Variants in PXDNL observed in about 807,000 individuals in gnomAD.
PXDNL encodes the protein peroxidasin like, also known as probable oxidoreductase PXDNL.
In PXDNL, 145 loss-of-function variants were observed where a neutral mutation model predicts 150.8. That is an observed-to-expected ratio of 0.96 (90% CI 0.84 to 1.10). PXDNL has a LOEUF of 1.10. PXDNL is among the 50% of genes least tolerant of loss of function. The probability of loss-of-function intolerance (pLI) is 0.00; values close to 1 mark genes in which losing one functional copy is unlikely to be tolerated. For missense variants in PXDNL, 2,087 were observed against 1,873.9 expected (o/e 1.11, Z -2.10); for synonymous variants, 757 against 725.7 (o/e 1.04, Z -0.69).
chr8:51,405,560 G>C (rs991248758), intron 17 of PXDNL, among the ~76,000 whole-genome samples: 1 of 152,168 alleles, frequency 6.6e-6, no homozygotes. Context: ...AGGAAAAGAA[G>C]TAATAAGATA....
At chr8:51,705,343 G>A (rs138066236) in intron 1 of PXDNL, among the ~76,000 whole-genome samples, 161 of 152,254 alleles carry the variant, frequency 1.1e-3, no homozygotes, top group African/African-American at 3.8e-3. Context: ...CTTGCTACAC[G>A]TCTTGTACTG....
chr8:51,526,045 T>C (rs73583004), intron 4 of PXDNL, among the ~76,000 whole-genome samples: 4,708 of 152,092 alleles, frequency 0.031, 222 homozygotes, highest in African/African-American at 0.11. Flanking sequence ...GCATGTATAG[T>C]TTTTTCCCCC....
At chr8:51,596,852 G>A (rs1201117671) in intron 2 of PXDNL, among the ~76,000 whole-genome samples, 24 of 152,060 alleles carry the variant, frequency 1.6e-4, no homozygotes, top group Non-Finnish European at 4.4e-5. Context: ...CCATTCTGTA[G>A]GTTGTCTGTT....
chr8:51,689,336 T>G lies in PXDNL; in HGVS notation c.165-34576A>C, dbSNP rs930309567. 6.5e-5 allele frequency among the ~76,000 whole-genome samples: 9 copies of G among 139,076 alleles called. No homozygotes were observed. The Admixed American group carries it at 6.6e-4, about 10-fold the overall frequency. The allele number at this position is 139,076 out of a possible 152,430, so 91.2% of individuals were successfully genotyped here. On this transcript the variant is annotated intron_variant, in intron 1 of 22. Coordinates refer to ENST00000356297, the MANE Select transcript of PXDNL (RefSeq NM_144651.5). ...AGACATCCAGATTTTTTTTTTTTTT[T>G]GCTTCATTTTGGGGATTAATATGTA...
chr8:51,440,340 G>T (rs1302143368), intron 12 of PXDNL, among the ~76,000 whole-genome samples: 1 of 151,866 alleles, frequency 6.6e-6, no homozygotes, highest in East Asian at 1.9e-4. Flanking sequence ...ACACTGCTTG[G>T]GTAATGGGTG....
intron 6 of PXDNL, among the ~76,000 whole-genome samples, chr8:51,480,810 T>G (rs576214289): frequency 6.6e-6 from 1 of 152,330 alleles, no homozygotes; most frequent in South Asian, 2.1e-4. Flanking sequence ...CCATGTAAGA[T>G]ATTCCTTTGC....
intron 12 of PXDNL, among the ~76,000 whole-genome samples, chr8:51,441,061 G>T (rs1314242824): frequency 6.6e-5 from 10 of 152,162 alleles, no homozygotes; most frequent in Admixed American, 6.5e-4. Flanking sequence ...TCAAGGGCTG[G>T]ACTGGGTGGA....
At chr8:51,729,495 C>T (rs1022859046) in intron 1 of PXDNL, among the ~76,000 whole-genome samples, 3 of 152,136 alleles carry the variant, frequency 2.0e-5, no homozygotes, top group Admixed American at 6.6e-5. Flanking sequence ...ACACTGACAA[C>T]ACTAAATACT....
intron 17 of PXDNL, among the ~76,000 whole-genome samples, chr8:51,377,476 G>A (rs1328844205): frequency 6.6e-6 from 1 of 152,192 alleles, no homozygotes; most frequent in Admixed American, 6.5e-5. Flanking sequence ...TGAGCTAAAC[G>A]AGGCCGGAGC....
chr8:51,760,844 A>ATTTTTTTT (rs1563312827), intron 1 of PXDNL, among the ~76,000 whole-genome samples: 1 of 48,036 alleles, frequency 2.1e-5, no homozygotes, highest in Non-Finnish European at 4.6e-5. Context: ...AATCACTTAA[A>ATTTTTTTT]CTTTTTTTTT....
intron 21 of PXDNL, among the ~76,000 whole-genome samples, chr8:51,331,948 A>G (rs1179902162): frequency 2.0e-5 from 3 of 151,968 alleles, no homozygotes; most frequent in Non-Finnish European, 4.4e-5. Flanking sequence ...TGGTAGTTCT[A>G]GGGCCCAGTC....
intron 3 of PXDNL, among the ~76,000 whole-genome samples, chr8:51,565,555 A>G (rs74963399): frequency 0.071 from 10,743 of 151,658 alleles, 979 homozygotes; most frequent in African/African-American, 0.22. Flanking sequence ...TTATGTGTGA[A>G]TAAGTATAAA....
At chr8:51,343,615 G>T (rs1003890903) in intron 20 of PXDNL, among the ~76,000 whole-genome samples, 2 of 152,142 alleles carry the variant, frequency 1.3e-5, no homozygotes, top group East Asian at 3.9e-4. Flanking sequence ...CAAGCAAAAT[G>T]AGTCTTTGAG....
intron 17 of PXDNL, among the ~76,000 whole-genome samples, chr8:51,382,039 T>C (rs1807565450): frequency 2.0e-5 from 3 of 152,112 alleles, no homozygotes; most frequent in Admixed American, 6.5e-5. Flanking sequence ...GGTTTCACCA[T>C]GTTAACCCAG....
At chr8:51,424,102 C>A (rs1003415714) in intron 13 of PXDNL, among the ~76,000 whole-genome samples, 4 of 152,086 alleles carry the variant, frequency 2.6e-5, no homozygotes, top group African/African-American at 7.2e-5. Context: ...GTGGCTCATG[C>A]CTATAATCCC....
At chr8:51,795,712 A>C (rs1326576745) in intron 1 of PXDNL, among the ~76,000 whole-genome samples, 3 of 152,178 alleles carry the variant, frequency 2.0e-5, no homozygotes, top group African/African-American at 7.2e-5. Flanking sequence ...TGTCCTGCAG[A>C]CCCTGACCCA....
intron 21 of PXDNL, among the ~76,000 whole-genome samples, chr8:51,322,861 A>C (rs1226478102): frequency 1.3e-5 from 2 of 152,252 alleles, no homozygotes; most frequent in Non-Finnish European, 2.9e-5. Context: ...GGGCAGTGGC[A>C]TCCACCCATT....
At chr8:51,659,513 G>A (rs1331518230) in intron 1 of PXDNL, among the ~76,000 whole-genome samples, 1 of 152,226 alleles carries the variant, frequency 6.6e-6, no homozygotes, top group Non-Finnish European at 1.5e-5. Flanking sequence ...CCCCGTGGCA[G>A]ATTGAGGATG....
chr8:51,496,490 G>GTATGGAAGAACAT (rs1428484738), intron 5 of PXDNL, among the ~76,000 whole-genome samples: 2 of 152,126 alleles, frequency 1.3e-5, no homozygotes, highest in Admixed American at 6.5e-5. Context: ...AAGTCAAATT[G>GTATGGAAGAACAT]TCCCTGTTTG....
Sources: allele counts gnomAD v4.1 joint callset (sites outside exome capture counted in the v4.1 genomes callset), GRCh38; gene constraint gnomAD v4.1.1; transcripts MANE v1.5; gene names NCBI Gene and HGNC (gene_info 2026-07-23, HGNC 2026-07-21).